The following FAAH2 variants were observed in gnomAD, a reference collection of about 807,000 sequenced individuals.
FAAH2 encodes fatty-acid amide hydrolase 2.
FAAH2 carries 60 observed loss-of-function variants against 36.9 expected under a neutral mutation model. The ratio of observed to expected loss-of-function variants is 1.63; its 90% CI spans 1.32 to 2.02. The LOEUF (loss-of-function observed/expected upper bound fraction) is 2.02. Among genes scored for constraint, FAAH2 ranks in the 30% most tolerant of loss-of-function variants. FAAH2 has a pLI of 0.00. For missense variants in FAAH2, 689 were observed against 397.5 expected (o/e 1.73, Z -6.23); for synonymous variants, 214 against 143.8 (o/e 1.49, Z -3.49).
intron 10 of FAAH2, among the ~76,000 whole-genome samples, chrX:57,468,329 AAAG>A (rs755368598): frequency 1.8e-5 from 2 of 111,645 alleles, no homozygotes; most frequent in African/African-American, 3.3e-5. Context: ...AACCCAATGC[AAAG>A]AAGTTAAAAA....
chrX:57,438,999 C>T (rs958484679), intron 8 of FAAH2, among the ~76,000 whole-genome samples: 1 of 110,785 alleles, frequency 9.0e-6, no homozygotes, highest in African/African-American at 3.3e-5. Context: ...TCCAGTCTAT[C>T]GTTGTTGGAC....
chrX:57,353,496 AAAAAG>A (rs1341451593), intron 5 of FAAH2, among the ~76,000 whole-genome samples: 5 of 105,375 alleles, frequency 4.7e-5, no homozygotes, highest in African/African-American at 1.8e-4. Flanking sequence ...TTAAAAAAAA[AAAAAG>A]AAAAAAAAGA....
At chrX:57,325,035 A>G (rs2053168265) in intron 3 of FAAH2, among the ~76,000 whole-genome samples, 1 of 112,100 alleles carries the variant, frequency 8.9e-6, no homozygotes, top group Non-Finnish European at 1.9e-5. Context: ...ATTTATTGAG[A>G]GTTTTTAGCA....
At chrX:57,332,680 G>A (rs1289857667) in intron 4 of FAAH2, among the ~76,000 whole-genome samples, 1 of 111,226 alleles carries the variant, frequency 9.0e-6, no homozygotes, top group African/African-American at 3.3e-5. Context: ...GGGGATCTTA[G>A]GGGCCCCACA....
intron 8 of FAAH2, among the ~76,000 whole-genome samples, chrX:57,446,553 G>A (rs749122107): frequency 2.3e-4 from 26 of 111,724 alleles, no homozygotes; most frequent in East Asian, 5.6e-4. Context: ...AAGAGACCTC[G>A]TACTCATTAT....
chrX:57,348,100 C>A (rs2053879593), intron 5 of FAAH2, among the ~76,000 whole-genome samples: 1 of 110,534 alleles, frequency 9.0e-6, no homozygotes, highest in South Asian at 3.8e-4. Flanking sequence ...CCTGCACTCA[C>A]CATTGAAGGA....
the FAAH2 span, among the ~76,000 whole-genome samples, chrX:57,219,275 G>A: frequency 3.6e-5 from 4 of 111,318 alleles, no homozygotes; most frequent in Admixed American, 9.5e-5. Context: ...ACACTGCCTC[G>A]TGTTGTCTGT....
At chrX:57,352,762 G>T (rs1378471710) in intron 5 of FAAH2, among the ~76,000 whole-genome samples, 1 of 111,172 alleles carries the variant, frequency 9.0e-6, no homozygotes, top group Non-Finnish European at 1.9e-5. Flanking sequence ...ATTCAGGAAA[G>T]GTTCAAGATA....
chrX:57,289,404 C>T (rs2051912052), intron 1 of FAAH2, among the ~76,000 whole-genome samples: 1 of 111,081 alleles, frequency 9.0e-6, no homozygotes, highest in Non-Finnish European at 1.9e-5. Context: ...CAGTTGGTAT[C>T]CAAGGTTGGG....
At chrX:57,331,407 G>C (rs1182163923) in intron 3 of FAAH2, among the ~76,000 whole-genome samples, 191 bp from the exon 4 acceptor site, 1 of 110,228 alleles carries the variant, frequency 9.1e-6, no homozygotes, top group Non-Finnish European at 1.9e-5. Context: ...CAGCATCTGT[G>C]TCTTCCCTCC....
intron 7 of FAAH2, among the ~76,000 whole-genome samples, chrX:57,402,027 C>A (rs1257881013): frequency 9.0e-6 from 1 of 111,350 alleles, no homozygotes; most frequent in Non-Finnish European, 1.9e-5. Context: ...TTGTCCGGGA[C>A]AGGAGAGTAA....
chrX:57,352,082 GTATATATATGCACA>G (rs2054029128), intron 5 of FAAH2, among the ~76,000 whole-genome samples: 1 of 4,296 alleles, frequency 2.3e-4, no homozygotes, highest in Non-Finnish European at 8.1e-4. Flanking sequence ...ATATATATGT[GTATATATATGCACA>G]TATATATATA....
chrX:57,482,791 AT>A (rs1237900957), intron 10 of FAAH2, among the ~76,000 whole-genome samples: 3 of 106,443 alleles, frequency 2.8e-5, no homozygotes, highest in African/African-American at 1.0e-4. Flanking sequence ...AGGATATAAA[AT>A]TTTTGGCTGC....
the FAAH2 span, among the ~76,000 whole-genome samples, chrX:57,188,811 C>G: frequency 9.0e-6 from 1 of 111,056 alleles, no homozygotes; most frequent in African/African-American, 3.3e-5. Context: ...TCTGGCTTTC[C>G]TTCACATTTT....
At chrX:57,149,128 G>C in the FAAH2 span, among the ~76,000 whole-genome samples, 2 of 111,614 alleles carry the variant, frequency 1.8e-5, no homozygotes, top group African/African-American at 6.5e-5. Context: ...TGGTGGATAA[G>C]CTTTTTGATG....
At chrX:57,151,470 T>C in the FAAH2 span, among the ~76,000 whole-genome samples, 1 of 111,704 alleles carries the variant, frequency 9.0e-6, no homozygotes, top group South Asian at 3.8e-4. Flanking sequence ...CTTTTTATTC[T>C]TTTTTCTCTA....
At chrX:57,238,771 C>T in the FAAH2 span, among the ~76,000 whole-genome samples, 2 of 111,734 alleles carry the variant, frequency 1.8e-5, no homozygotes, top group African/African-American at 3.2e-5. Context: ...ACCTGATATG[C>T]ATTTTTTTAA....
the FAAH2 span, among the ~76,000 whole-genome samples, chrX:57,260,542 A>G: frequency 8.9e-6 from 1 of 112,020 alleles, no homozygotes. Context: ...ATTATAAAAC[A>G]AAAGATCAAT....
At chrX:57,127,627 C>T in the FAAH2 span, among the ~76,000 whole-genome samples, 4 of 111,632 alleles carry the variant, frequency 3.6e-5, no homozygotes, top group Non-Finnish European at 7.6e-5. Flanking sequence ...GACCATCTTT[C>T]AAAATTACCA....
Sources: allele counts gnomAD v4.1 joint callset (sites outside exome capture counted in the v4.1 genomes callset), GRCh38; gene constraint gnomAD v4.1.1; transcripts MANE v1.5; gene names NCBI Gene and HGNC (gene_info 2026-07-23, HGNC 2026-07-21).